The following MAGI2 variants were observed in gnomAD, a reference collection of about 807,000 sequenced individuals.
MAGI2 encodes the protein membrane associated guanylate kinase, WW and PDZ domain containing 2.
MAGI2 carries 35 observed loss-of-function variants against 133.3 expected under a neutral mutation model. The ratio of observed to expected loss-of-function variants is 0.26; its 90% CI spans 0.20 to 0.35. The LOEUF (loss-of-function observed/expected upper bound fraction) is 0.35, where lower values mean the gene tolerates loss of function less well. MAGI2 is among the 10% of genes least tolerant of loss of function. The probability of loss-of-function intolerance (pLI) is 1.00; values close to 1 mark genes in which losing one functional copy is unlikely to be tolerated. For synonymous variants in MAGI2, 729 were observed against 710.6 expected (o/e 1.03, Z -0.41); for missense variants, 1,636 against 1,863.4 (o/e 0.88, Z 2.25).
intron 1 of MAGI2, among the ~76,000 whole-genome samples, chr7:79,382,204 A>C (rs2129143553): frequency 1.3e-5 from 2 of 151,756 alleles, no homozygotes; most frequent in Admixed American, 1.3e-4. Flanking sequence ...TCTCACATTC[A>C]TTTTATGATG....
At chr7:78,540,497 G>A (rs993473049) in intron 3 of MAGI2, among the ~76,000 whole-genome samples, 4 of 152,126 alleles carry the variant, frequency 2.6e-5, no homozygotes, top group African/African-American at 9.7e-5. Context: ...TGCCCCAGGC[G>A]ACAAGCCTCT....
At chr7:78,544,365 C>T (rs1224342088) in intron 3 of MAGI2, among the ~76,000 whole-genome samples, 1 of 152,218 alleles carries the variant, frequency 6.6e-6, no homozygotes, top group Non-Finnish European at 1.5e-5. Context: ...TATCCTAGCA[C>T]TTTCCAGCCT....
At chr7:78,551,337 T>C (rs1379845270) in intron 3 of MAGI2, among the ~76,000 whole-genome samples, 2 of 152,236 alleles carry the variant, frequency 1.3e-5, no homozygotes, top group Non-Finnish European at 2.9e-5. Context: ...TACACTGTTT[T>C]TTTGTTTTGC....
intron 1 of MAGI2, among the ~76,000 whole-genome samples, chr7:79,306,531 T>C (rs936445436): frequency 6.6e-6 from 1 of 151,996 alleles, no homozygotes; most frequent in African/African-American, 2.4e-5. Flanking sequence ...AATATTTGCA[T>C]AGATGAGCAT....
intron 2 of MAGI2, among the ~76,000 whole-genome samples, chr7:78,815,862 A>C (rs1789530997): frequency 1.3e-5 from 2 of 152,200 alleles, no homozygotes; most frequent in Non-Finnish European, 1.5e-5. Flanking sequence ...CAGGCCAATT[A>C]ATAACCTTAC....
chr7:78,471,034 A>C (rs1196376708), intron 6 of MAGI2, among the ~76,000 whole-genome samples: 2 of 152,156 alleles, frequency 1.3e-5, no homozygotes, highest in African/African-American at 4.8e-5. Context: ...AGAATGAAAC[A>C]TTTATATTGT....
At chr7:78,426,373 C>G (rs555635793) in intron 6 of MAGI2, among the ~76,000 whole-genome samples, 4 of 151,922 alleles carry the variant, frequency 2.6e-5, no homozygotes, top group African/African-American at 4.8e-5. Context: ...AACCAAACAC[C>G]GCATATTCTC....
intron 1 of MAGI2, among the ~76,000 whole-genome samples, chr7:79,309,103 C>T (rs755251395): frequency 4.6e-5 from 7 of 151,878 alleles, no homozygotes; most frequent in African/African-American, 9.7e-5. Flanking sequence ...ATAATATTTG[C>T]GGTACAATTT....
chr7:79,121,522 T>C (rs1819897298), intron 1 of MAGI2, among the ~76,000 whole-genome samples: 1 of 152,066 alleles, frequency 6.6e-6, no homozygotes, highest in Non-Finnish European at 1.5e-5. Context: ...ACATTCAACT[T>C]TCTGCCTTAT....
intron 2 of MAGI2, among the ~76,000 whole-genome samples, chr7:78,755,113 G>C (rs764950903): frequency 6.6e-6 from 1 of 152,196 alleles, no homozygotes; most frequent in Non-Finnish European, 1.5e-5. Flanking sequence ...AGTTAGCAGA[G>C]CGTTTGAAGA....
rs1452740466 is a variant in MAGI2, at chr7:78,823,537, C to T, written c.418+183553G>A. On this transcript the variant is annotated intron_variant, in intron 2 of 21. Coordinates refer to ENST00000354212, the MANE Select transcript of MAGI2 (RefSeq NM_012301.4). ...GGCGGAGCTTGCAGTGAGCCCGGAT[C>T]GCGCCACTGCACTCCAGCCTGGGTG... 8.8e-5 allele frequency among the ~76,000 whole-genome samples: 12 copies of T among 136,246 alleles called. No individual in the cohort carries two copies. The Admixed American group carries it at 9.9e-4, about 11-fold the overall frequency. The allele number at this position is 136,246 out of a possible 152,430, so 89.4% of individuals were successfully genotyped here. A position where few individuals can be genotyped will look rare whatever the true frequency, so the allele number is the denominator to read the frequency against.
At chr7:78,809,378 G>A (rs1190454030) in intron 2 of MAGI2, among the ~76,000 whole-genome samples, 7 of 152,216 alleles carry the variant, frequency 4.6e-5, no homozygotes, top group African/African-American at 7.2e-5. Flanking sequence ...CCACCCAGGA[G>A]CCTAGCATTA....
intron 20 of MAGI2, among the ~76,000 whole-genome samples, chr7:78,102,860 G>A (rs981649858): frequency 2.6e-5 from 4 of 152,198 alleles, no homozygotes; most frequent in African/African-American, 9.7e-5. Flanking sequence ...GCGGGTGTGA[G>A]GTGGTACGCA....
intron 10 of MAGI2, among the ~76,000 whole-genome samples, chr7:78,248,116 G>A (rs1791993204): frequency 6.6e-6 from 1 of 152,174 alleles, no homozygotes. Flanking sequence ...ACTACCATTA[G>A]ACTATGAACA....
chr7:78,744,537 T>G (rs1822746667), intron 2 of MAGI2, among the ~76,000 whole-genome samples: 1 of 152,188 alleles, frequency 6.6e-6, no homozygotes, highest in African/African-American at 2.4e-5. Context: ...CAAAAAAACG[T>G]ATCTCATTTA....
At chr7:78,375,609 TTTGA>T (rs1395681329) in intron 6 of MAGI2, among the ~76,000 whole-genome samples, 15 of 152,064 alleles carry the variant, frequency 9.9e-5, no homozygotes, top group African/African-American at 2.2e-4. Context: ...GAGGTTCTTG[TTTGA>T]TTGTTTTAGA....
Position 78,877,484 on chromosome 7 carries a change from G to A in MAGI2, c.418+129606C>T, listed in dbSNP as rs919049250. ...CATTAAGTTATTAAAAATGTTACTT[G>A]TTTTTCTCTCCATCCTGGCACAATG... On this transcript the variant is annotated intron_variant, in intron 2 of 21. Coordinates refer to ENST00000354212, the MANE Select transcript of MAGI2 (RefSeq NM_012301.4). Among the ~76,000 whole-genome samples the A allele has an allele frequency of 1.5e-4, 23 of 152,238 alleles. 1 individual carries two copies. Among genetic ancestry groups the A allele is most frequent in the African/African-American group, 5.3e-4 (22 of 41,558 alleles).
intron 1 of MAGI2, among the ~76,000 whole-genome samples, chr7:79,286,673 C>A (rs534796430): frequency 6.6e-6 from 1 of 152,068 alleles, no homozygotes; most frequent in Admixed American, 6.6e-5. Context: ...TAAACTGAAC[C>A]TTTGTTGAGG....
intron 1 of MAGI2, among the ~76,000 whole-genome samples, chr7:79,193,273 G>C (rs974500315): frequency 4.0e-5 from 6 of 151,848 alleles, no homozygotes; most frequent in African/African-American, 1.5e-4. Flanking sequence ...TCGCTTATGC[G>C]GACAATGTTG....
Sources: gnomAD v4.1 joint callset for allele counts (sites outside exome capture counted in the v4.1 genomes callset) on GRCh38, gnomAD v4.1.1 for gene constraint, MANE v1.5 for transcripts, NCBI Gene and HGNC (gene_info 2026-07-23, HGNC 2026-07-21) for gene names.